The following ITIH4 variants were observed in gnomAD, a reference collection of about 807,000 sequenced individuals.
ITIH4 encodes inter-alpha-trypsin inhibitor heavy chain H4.
ITIH4 carries 79 observed loss-of-function variants against 111.8 expected under a neutral mutation model. The observed-to-expected ratio is 0.71, with a 90% CI of 0.59 to 0.85. ITIH4 has a LOEUF of 0.85. Among genes scored for constraint, ITIH4 ranks in the 40% least tolerant of loss-of-function variants. The pLI is 0.00. For synonymous variants in ITIH4, 472 were observed against 468.3 expected, an observed-to-expected ratio of 1.01 and a Z score of -0.10; for missense variants, 1,065 against 1,195.8, an observed-to-expected ratio of 0.89 and a Z score of 1.61.
rs775744783 is a variant in ITIH4 at position 52,821,041 on chromosome 3, G to C, written c.1629C>G (p.Phe543Leu). ...FQSPKYIFHN[F>L]MERLWAYLTI... is the part of the protein sequence containing the mutation. Reference sequence around the variant, plus strand: ...TCAGGTATGCCCAGAGCCTCTCCATGAAGTTGTGGAAGATATACTTGGGGC... The same window carrying C: ...TCAGGTATGCCCAGAGCCTCTCCATCAAGTTGTGGAAGATATACTTGGGGC... The change falls in exon 12 of 24, where the codon TTC becomes TTG. Residue 543 changes from phenylalanine (F) to leucine (L), a missense_variant. Phe to Leu is a conservative substitution (Grantham distance 22). Coordinates refer to ENST00000266041, the MANE Select transcript of ITIH4 (RefSeq NM_002218.5). 4.1e-5 allele frequency: 66 copies of C among 1,613,994 alleles called. No individual in the cohort carries two copies. Among genetic ancestry groups the C allele is most frequent in the Non-Finnish European group, 4.7e-5 (55 of 1,180,040 alleles).
chr3:52,819,329 A>G (rs1037442009), intron 17 of ITIH4, 64 bp downstream of exon 17: 3 of 1,597,516 alleles, frequency 1.9e-6, no homozygotes, highest in African/African-American at 2.7e-5. Flanking sequence ...ACCCCCCTCT[A>G]TGGGGCAGGC....
intron 20 of ITIH4, among the ~76,000 whole-genome samples, chr3:52,817,335 C>A (rs547810754): frequency 6.6e-6 from 1 of 152,346 alleles, no homozygotes; most frequent in East Asian, 1.9e-4. Flanking sequence ...TGTCTCCAGT[C>A]AATAAGCCTT....
Position 52,819,714 on chromosome 3 carries a change from G to A in ITIH4, c.1951+40C>T. ...TGGACCTCCCTCAAGCTCCCCCCCA[G>A]GGATGTCATGCCTCCCCCTGGCAGA... On this transcript the variant is annotated intron_variant, in intron 16 of 23. Coordinates refer to ENST00000266041, the MANE Select transcript of ITIH4 (RefSeq NM_002218.5). 12 of 1,607,696 alleles carry A rather than the reference G, an allele frequency of 7.5e-6. No individual in the cohort carries two copies. In the South Asian group the frequency reaches 1.3e-4, roughly 18 times the overall value.
chr3:52,828,547 T>C (rs993058548), intron 2 of ITIH4, among the ~76,000 whole-genome samples: 1 of 152,186 alleles, frequency 6.6e-6, no homozygotes, highest in African/African-American at 2.4e-5. Flanking sequence ...CTGGTGCATT[T>C]AGTAAACATT....
intron 1 of ITIH4, chr3:52,830,284 C>A: frequency 1.9e-6 from 1 of 526,858 alleles, no homozygotes. Flanking sequence ...CTCCTGAGGT[C>A]ACTTACTAAA....
chr3:52,829,420 G>C, intron 1 of ITIH4, 141 bp from the exon 2 acceptor site: 1 of 843,492 alleles, frequency 1.2e-6, no homozygotes, highest in Non-Finnish European at 1.8e-6. Flanking sequence ...CCAGGCCTCA[G>C]GCTGAACCCA....
intron 14 of ITIH4, 94 bp downstream of exon 14, chr3:52,820,197 G>C: frequency 6.5e-7 from 1 of 1,538,760 alleles, no homozygotes; most frequent in Non-Finnish European, 9.0e-7. Context: ...GGGTGGACCT[G>C]GGCCCTGGCC....
rs781768872 is a variant in ITIH4 at position 52,818,082 on chromosome 3, G to A, written c.2266C>T (p.Pro756Ser). The A allele has an allele frequency of 5.6e-6, 9 of 1,613,538 alleles. No homozygotes were observed. Among genetic ancestry groups the A allele is most frequent in the South Asian group, 3.3e-5 (3 of 91,068 alleles). The change falls in exon 20 of 24, where the codon CCA becomes TCA. Residue 756 changes from proline to serine, a missense_variant. Transcript: ENST00000266041. Reference sequence around the variant, plus strand: ...TCAGGGTCTGAGAGCAGGTTCACTGGCCCCTGGCGGTGTCTGGGGTCCACA... The same window carrying A: ...TCAGGGTCTGAGAGCAGGTTCACTGACCCCTGGCGGTGTCTGGGGTCCACA... ...LCVDPRHRQG[P>S]VNLLSDPEQG... is the part of the protein sequence containing the mutation.
intron 17 of ITIH4, chr3:52,819,158 G>A (rs1290803514): frequency 1.4e-5 from 7 of 518,188 alleles, no homozygotes; most frequent in Non-Finnish European, 2.4e-5. Context: ...TGGGGCAGGG[G>A]GCAGCTGCAA....
chr3:52,824,088 C>A lies in ITIH4; in HGVS notation c.1172-84G>T. 1 of 1,562,344 alleles carries A rather than the reference C, an allele frequency of 6.4e-7. No homozygotes were observed. Among genetic ancestry groups the A allele is most frequent in the Non-Finnish European group, 8.7e-7 (1 of 1,151,604 alleles). On this transcript the variant is annotated intron_variant, in intron 9 of 23. Coordinates refer to ENST00000266041, the MANE Select transcript of ITIH4 (RefSeq NM_002218.5). The surrounding 1 kb of genome is among the most constrained non-coding windows in gnomAD (Gnocchi z 4.3). Reference sequence around the variant, plus strand: ...CTGGAACCTCAGAGCCGAGGGGCCTCAGTGACCCCCTCTCCCTGCCCAGAT... The same window carrying A: ...CTGGAACCTCAGAGCCGAGGGGCCTAAGTGACCCCCTCTCCCTGCCCAGAT...
At chr3:52,814,500 A>AAT in intron 21 of ITIH4, 137 bp from the exon 22 acceptor site, 1 of 686,142 alleles carries the variant, frequency 1.5e-6, no homozygotes, top group Non-Finnish European at 2.5e-6. Flanking sequence ...AAGGCCCTTA[A>AAT]ATCTTCTGAT....
chr3:52,821,590 T>C (rs544397090), intron 11 of ITIH4, among the ~76,000 whole-genome samples: 217 of 152,298 alleles, frequency 1.4e-3, no homozygotes, highest in Non-Finnish European at 2.9e-3. Context: ...AACTCAGATG[T>C]CATGGCTCCG....
chr3:52,825,917 A>G lies in ITIH4; in HGVS notation c.728T>C (p.Val243Ala), dbSNP rs771805222. The G allele has an allele frequency of 1.2e-6, 2 of 1,614,114 alleles. No homozygotes were observed. The highest frequency in any genetic ancestry group is 2.2e-5 in the South Asian group (2 of 91,082). Residue 243 changes from valine (V) to alanine (A), a missense_variant, in exon 6 of 24, where the codon GTG (valine) becomes GCG (alanine). Physicochemically the swap from Val to Ala is moderately conservative, Grantham distance 64 (BLOSUM62 0). Coordinates refer to ENST00000266041, the MANE Select transcript of ITIH4 (RefSeq NM_002218.5). The part of the protein sequence containing the change: ...LDGNLIIRYD[V>A]DRAISGGSIQ... The stretch of plus-strand genomic sequence containing the variant: ...GGAGCCCCCGGAGATGGCCCGGTCC[A>G]CATCATAGCGGATAATGAGGTTGCC...
At chr3:52,826,728 G>A in intron 4 of ITIH4, 63 bp downstream of exon 4, 2 of 1,609,582 alleles carry the variant, frequency 1.2e-6, no homozygotes, top group Non-Finnish European at 1.7e-6. Context: ...GACAAAGAGG[G>A]GCCGCCCTCA....
Position 52,829,100 on chromosome 3 carries a change from AGGGTGGG to A in ITIH4, c.251+12_251+18del. The A allele has an allele frequency of 1.1e-6, 1 of 934,660 alleles. No individual in the cohort carries two copies. The highest frequency in any genetic ancestry group is 1.6e-6 in the Non-Finnish European group (1 of 635,112). The allele number at this position is 934,660 out of a possible 1,614,324, so 57.9% of individuals were successfully genotyped here. A position where few individuals can be genotyped will look rare whatever the true frequency, so the allele number is the denominator to read the frequency against. On this transcript the variant is annotated intron_variant, in intron 2 of 23. Coordinates refer to ENST00000266041, the MANE Select transcript of ITIH4 (RefSeq NM_002218.5). Reference sequence around the variant, plus strand: ...CACTGGGGGGTGTGGAGAGGGGAGGAGGGTGGGAAGGCACCTACATGGAGAAGTTGGT... The same window carrying A: ...CACTGGGGGGTGTGGAGAGGGGAGGAAAGGCACCTACATGGAGAAGTTGGT...
rs115577102 is a variant in ITIH4, at chr3:52,830,477, C to T, written c.90+76G>A. 870 of 1,370,182 alleles carry T rather than the reference C, an allele frequency of 6.3e-4. 2 individuals are homozygous for T. The African/African-American group carries it at 0.01, about 16-fold the overall frequency. The allele number at this position is 1,370,182 out of a possible 1,614,324, so 84.9% of individuals were successfully genotyped here. A position where few individuals can be genotyped will look rare whatever the true frequency, so the allele number is the denominator to read the frequency against. On this transcript the variant is annotated intron_variant, in intron 1 of 23. Coordinates refer to ENST00000266041, the MANE Select transcript of ITIH4 (RefSeq NM_002218.5). ...ACGCACTTGTGCTGACACGCTGGCA[C>T]ATGCGGAGGCTCTTCCCCACTTCCC...
intron 2 of ITIH4, 95 bp downstream of exon 2, chr3:52,829,024 A>G (rs970131733): frequency 2.6e-6 from 3 of 1,173,276 alleles, no homozygotes; most frequent in African/African-American, 1.6e-5. Flanking sequence ...ACACCCTGGC[A>G]TGCCTTACTT....
In ITIH4 at chr3:52,816,923, G is replaced by A. The variant is rs535415256; in HGVS notation, c.2432C>T (p.Ala811Val). 34 of 1,613,970 alleles carry A rather than the reference G, an allele frequency of 2.1e-5. No individual in the cohort carries two copies. The South Asian group carries it at 2.3e-4, about 11-fold the overall frequency. ...GAATAGCGTCTCCTTCCACTTGTAC[G>A]CAGAGCTTCTTCGGTTCCGAGTCAC... ...VVVTRNRRSS[A>V]YKWKETLFSV... The change falls in exon 21 of 24, where the codon GCG becomes GTG. Residue 811 changes from alanine (A) to valine (V), a missense_variant. Ala to Val is a moderately conservative substitution (Grantham distance 64). Transcript: ENST00000266041.
rs574993791 is a variant in ITIH4, at chr3:52,816,949, C to T, written c.2406G>A (p.Val802=). Residue 802 remains valine (V), a synonymous_variant, in exon 21 of 24, where the codon GTG becomes GTA. Coordinates refer to ENST00000266041, the MANE Select transcript of ITIH4 (RefSeq NM_002218.5). ...VWVHASPEHV[V]VTRNRRSSAY... The stretch of plus-strand genomic sequence containing the variant: ...CAGAGCTTCTTCGGTTCCGAGTCAC[C>T]ACCACGTGTTCAGGGGATGCGTGAA... The T allele has an allele frequency of 8.7e-6, 14 of 1,614,068 alleles. 1 individual carries two copies. The South Asian group carries it at 1.1e-4, about 13-fold the overall frequency.
Sources: gnomAD v4.1 joint callset for allele counts (sites outside exome capture counted in the v4.1 genomes callset) on GRCh38, gnomAD v4.1.1 for gene constraint, Gnocchi (gnomAD v3.1) non-coding constraint, MANE v1.5 for transcripts, NCBI Gene and HGNC (gene_info 2026-07-23, HGNC 2026-07-21) for gene names.